Variants in GNRHR observed in about 807,000 individuals in gnomAD.
GNRHR encodes gonadotropin-releasing hormone receptor.
GNRHR carries 14 observed loss-of-function variants against 28.1 expected under a neutral mutation model. That is an observed-to-expected ratio of 0.50 (90% confidence interval 0.33 to 0.78). The LOEUF is 0.78. Ranked by LOEUF, GNRHR falls within the 30% of genes least tolerant of loss-of-function variation. GNRHR has a pLI of 0.02. For synonymous variants in GNRHR, 141 were observed against 140.5 expected (o/e 1.00, Z -0.02); for missense variants, 366 against 382.1 (o/e 0.96, Z 0.35).
At chr4:67,742,949 T>C (rs1731685943) in intron 2 of GNRHR, among the ~76,000 whole-genome samples, 1 of 151,004 alleles carries the variant, frequency 6.6e-6, no homozygotes, top group Non-Finnish European at 1.5e-5. Flanking sequence ...CTTGCTCTTT[T>C]CACATACTAT....
At chr4:67,749,321 G>T (rs116635750) in intron 1 of GNRHR, among the ~76,000 whole-genome samples, 3 of 152,026 alleles carry the variant, frequency 2.0e-5, no homozygotes, top group Non-Finnish European at 4.4e-5. Context: ...GCAGGCCTGG[G>T]TTAACCATAG....
rs1269918209 is a variant in GNRHR at position 67,749,986 on chromosome 4, G to A, written c.522+3828C>T. On this transcript the variant is annotated intron_variant, in intron 1 of 2. Transcript: ENST00000226413. ...TTCCTGACTTCAAAACCTCTTTTAT[G>A]AAGGTAAGAAGAAAGGATGGTCTTA... 2.0e-5 allele frequency among the ~76,000 whole-genome samples: 3 copies of A among 152,028 alleles called. No individual in the cohort carries two copies. In the East Asian group the frequency reaches 5.8e-4, roughly 29 times the overall value.
At position 67,754,199 on chromosome 4, in the gene GNRHR, A is replaced by G. The variant is rs749174175; in HGVS notation, c.137T>C (p.Phe46Ser). 1.2e-6 allele frequency: 2 copies of G among 1,614,194 alleles called. No individual in the cohort carries two copies. The highest frequency in any genetic ancestry group is 1.1e-5 in the South Asian group (1 of 91,084). The stretch of plus-strand genomic sequence containing the variant: ...AGCATTAAAGGTCGCAGAGAGCAGA[A>G]AAAGGAAGAAAGTAACCGTCACTCG... ...KIRVTVTFFL[F>S]LLSATFNASF... The change falls in exon 1 of 3, where the codon TTT (phenylalanine) becomes TCT (serine). Residue 46 changes from phenylalanine to serine, a missense_variant. Transcript: ENST00000226413.
Position 67,741,807 on chromosome 4 carries a change from T to C in GNRHR, c.743-1083A>G, listed in dbSNP as rs187280249. 6.5e-3 allele frequency among the ~76,000 whole-genome samples: 991 copies of C among 152,350 alleles called. 5 individuals are homozygous for C. Among genetic ancestry groups the C allele is most frequent in the Non-Finnish European group, 0.011 (716 of 68,034 alleles). Reference sequence around the variant, plus strand: ...TGCATTTCCCTGATCATTAGTGATGTTGAGCATTTTCCCCTATGCTTCTTG... The same window carrying C: ...TGCATTTCCCTGATCATTAGTGATGCTGAGCATTTTCCCCTATGCTTCTTG... On this transcript the variant is annotated intron_variant, in intron 2 of 2. Transcript: ENST00000226413.
chr4:67,744,237 T>C (rs1731714363), intron 2 of GNRHR, among the ~76,000 whole-genome samples: 1 of 152,226 alleles, frequency 6.6e-6, no homozygotes, highest in Admixed American at 6.5e-5. Context: ...TGTACTTTGC[T>C]ATAGTCTAGA....
At chr4:67,750,457 A>G (rs1410359624) in intron 1 of GNRHR, among the ~76,000 whole-genome samples, 5 of 152,192 alleles carry the variant, frequency 3.3e-5, no homozygotes, top group African/African-American at 1.2e-4. Flanking sequence ...TATGGGGTAC[A>G]TTGTGATATA....
chr4:67,739,671 G>A lies in GNRHR; in HGVS notation c.*809C>T, dbSNP rs35683646. On this transcript the variant is annotated 3_prime_UTR_variant, in exon 3 of 3. Coordinates refer to ENST00000226413, the MANE Select transcript of GNRHR (RefSeq NM_000406.3). Reference sequence around the variant, plus strand: ...ATAGAAGTCATACTATGCATAGAGCGTACTCACTATGAGTATTTTCTTAGT... The same window carrying A: ...ATAGAAGTCATACTATGCATAGAGCATACTCACTATGAGTATTTTCTTAGT... 34,820 of 151,828 alleles carry A rather than the reference G, an allele frequency of 0.23. 4,106 individuals are homozygous for A. The highest frequency in any genetic ancestry group is 0.3 in the Middle Eastern group (88 of 294). The allele number at this position is 151,828 out of a possible 1,614,324, so 9.4% of individuals were successfully genotyped here.
rs201856508 is a variant in GNRHR, at chr4:67,754,195, C to G, written c.141G>C (p.Leu47=). The change falls in exon 1 of 3, where the codon CTG becomes CTC. Residue 47 remains leucine, a synonymous_variant. Coordinates refer to ENST00000226413, the MANE Select transcript of GNRHR (RefSeq NM_000406.3). ...AAGAAGCATTAAAGGTCGCAGAGAG[C>G]AGAAAAAGGAAGAAAGTAACCGTCA... The part of the protein sequence containing the change: ...IRVTVTFFLF[L]LSATFNASFL... 6.2e-7 allele frequency: 1 copy of G among 1,614,060 alleles called. No homozygotes were observed. Among genetic ancestry groups the G allele is most frequent in the South Asian group, 1.1e-5 (1 of 91,088 alleles).
chr4:67,748,656 T>C (rs1731807586), intron 1 of GNRHR, among the ~76,000 whole-genome samples: 1 of 151,650 alleles, frequency 6.6e-6, no homozygotes, highest in African/African-American at 2.4e-5. Flanking sequence ...GCATGGCACA[T>C]GTATACATAT....
chr4:67,748,365 C>T (rs1237441407), intron 1 of GNRHR, among the ~76,000 whole-genome samples: 1 of 152,022 alleles, frequency 6.6e-6, no homozygotes, highest in Non-Finnish European at 1.5e-5. Flanking sequence ...TGGAATAGTG[C>T]CTGGAACACA....
rs1731927231 is a variant in GNRHR at position 67,754,230 on chromosome 4, T to C, written c.106A>G (p.Lys36Glu). 1 of 1,614,014 alleles carries C rather than the reference T, an allele frequency of 6.2e-7. No individual in the cohort carries two copies. The highest frequency in any genetic ancestry group is 8.5e-7 in the Non-Finnish European group (1 of 1,179,966). The change falls in exon 1 of 3, where the codon AAG becomes GAG. Residue 36 changes from lysine to glutamate, a missense_variant. Physicochemically the swap from Lys to Glu is moderately conservative, Grantham distance 56. Transcript: ENST00000226413. ...GNLPTLTLSG[K>E]IRVTVTFFLF... ...AAGAAAGTAACCGTCACTCGGATCT[T>C]TCCAGACAAGGTCAGAGTGGGGAGG...
In GNRHR at chr4:67,744,628, G is replaced by A. The variant is rs1185227608; in HGVS notation, c.682C>T (p.Leu228=). ...AAGATGATTTTTGCATTGCAGATCA[G>A]CATGATGAAAAGAGGGATGATGAAG... is the stretch of plus-strand genomic sequence containing the variant. ...CLFIIPLFIM[L]ICNAKIIFTL... Residue 228 remains leucine, a synonymous_variant, in exon 2 of 3, where the codon CTG becomes TTG. Coordinates refer to ENST00000226413, the MANE Select transcript of GNRHR (RefSeq NM_000406.3). 2.5e-6 allele frequency: 4 copies of A among 1,613,312 alleles called. No homozygotes were observed. The highest frequency in any genetic ancestry group is 3.4e-6 in the Non-Finnish European group (4 of 1,179,230).
chr4:67,737,255 T>C lies in GNRHR; in HGVS notation c.*3225A>G, dbSNP rs1030407790. Among the ~76,000 whole-genome samples, 2 of 152,094 alleles carry C rather than the reference T, an allele frequency of 1.3e-5. No individual in the cohort carries two copies. The highest frequency in any genetic ancestry group is 2.9e-5 in the Non-Finnish European group (2 of 67,954). On this transcript the variant is annotated 3_prime_UTR_variant, in exon 3 of 3. Transcript: ENST00000226413. ...CAGATAACTATATTAACAGTTTTCA[T>C]ATATGTTTATCTATTGCTGCTATGC...
chr4:67,744,059 A>G (rs1284608509), intron 2 of GNRHR, among the ~76,000 whole-genome samples: 1 of 152,234 alleles, frequency 6.6e-6, no homozygotes, highest in Non-Finnish European at 1.5e-5. Flanking sequence ...CAAAAAAGGT[A>G]CAAACACATG....
At position 67,737,278 on chromosome 4, in the gene GNRHR, T is replaced by C. The variant is rs559116996; in HGVS notation, c.*3202A>G. ...CATATATGTTTATCTATTGCTGCTA[T>C]GCATACATTTTATATAACTTTTAAA... is the stretch of plus-strand genomic sequence containing the variant. On this transcript the variant is annotated 3_prime_UTR_variant, in exon 3 of 3. Transcript: ENST00000226413. 2.0e-5 allele frequency among the ~76,000 whole-genome samples: 3 copies of C among 152,222 alleles called. No individual in the cohort carries two copies. The highest frequency in any genetic ancestry group is 4.4e-5 in the Non-Finnish European group (3 of 67,968).
intron 1 of GNRHR, among the ~76,000 whole-genome samples, chr4:67,746,371 C>T (rs765636184): frequency 2.0e-5 from 3 of 151,934 alleles, no homozygotes; most frequent in Non-Finnish European, 4.4e-5. Context: ...TTTAAAAACA[C>T]AAACTGAATC....
At chr4:67,753,588 C>T in intron 1 of GNRHR, 1 of 576,000 alleles carries the variant, frequency 1.7e-6, no homozygotes, top group Non-Finnish European at 3.1e-6. Flanking sequence ...ATTAAGTAAG[C>T]ATTAACCCCC....
intron 1 of GNRHR, among the ~76,000 whole-genome samples, chr4:67,747,643 A>G (rs1463109367): frequency 2.0e-5 from 3 of 152,174 alleles, no homozygotes; most frequent in Non-Finnish European, 2.9e-5. Context: ...CATAATGATG[A>G]AACTTTCAAT....
At chr4:67,748,711 TATA>T (rs144432350) in intron 1 of GNRHR, among the ~76,000 whole-genome samples, 6,910 of 148,132 alleles carry the variant, frequency 0.047, 285 homozygotes, top group East Asian at 0.1. Context: ...AAACTTAAAG[TATA>T]ATAATAATAA....
Sources: gnomAD v4.1 joint callset for allele counts (sites outside exome capture counted in the v4.1 genomes callset) on GRCh38, gnomAD v4.1.1 for gene constraint, MANE v1.5 for transcripts, NCBI Gene and HGNC (gene_info 2026-07-23, HGNC 2026-07-21) for gene names.